The following ZNF665 variants were observed in gnomAD, a reference collection of about 807,000 sequenced individuals.
ZNF665 encodes zinc finger protein 665.
ZNF665 carries 6 observed loss-of-function variants against 7.9 expected under a neutral mutation model. That is an observed-to-expected ratio of 0.76 (90% CI 0.42 to 1.50). ZNF665 has a LOEUF of 1.50. ZNF665 is among the 40% of genes most tolerant of loss of function. The probability of loss-of-function intolerance (pLI) is 0.01; values close to 1 mark genes in which losing one functional copy is unlikely to be tolerated. For missense variants in ZNF665, 819 were observed against 806.7 expected (o/e 1.02, Z -0.18); for synonymous variants, 242 against 274.5 (o/e 0.88, Z 1.17).
In ZNF665 at chr19:53,164,905, G is replaced by C. The variant is rs2146830816; in HGVS notation, c.1585C>G (p.Leu529Val). The C allele has an allele frequency of 1.9e-6, 3 of 1,614,134 alleles. No individual in the cohort carries two copies. In the East Asian group the frequency reaches 6.7e-5, roughly 36 times the overall value. The change falls in exon 4 of 4, where the codon CTA becomes GTA. Residue 529 changes from leucine to valine, a missense_variant. Coordinates refer to ENST00000396424, the MANE Select transcript of ZNF665 (RefSeq NM_024733.5). ...GTATGTATTGTCTGATGTATAGTTA[G>C]GCTTGAATGAACACTAAAGGCTTTG... ...CGKAFSVHSS[L>V]TIHQTIHTGQ...
At chr19:53,182,444 A>G (rs1034979886) in intron 2 of ZNF665, 8 of 486,568 alleles carry the variant, frequency 1.6e-5, no homozygotes, top group African/African-American at 1.6e-4. Flanking sequence ...AAATGCAAAT[A>G]TAAATGAGGT....
chr19:53,165,037 G>T lies in ZNF665; in HGVS notation c.1453C>A (p.Pro485Thr). The change falls in exon 4 of 4, where the codon CCT becomes ACT. Residue 485 changes from proline to threonine, a missense_variant. Physicochemically the swap from Pro to Thr is conservative, Grantham distance 38 (BLOSUM62 -1). Coordinates refer to ENST00000396424, the MANE Select transcript of ZNF665 (RefSeq NM_024733.5). ...TTACCACATTCATCACACTTGTAAGGTTTCTCTCCAGAATGAATTCCCCGA... is the reference window on the plus strand; with the variant it reads ...TTACCACATTCATCACACTTGTAAGTTTTCTCTCCAGAATGAATTCCCCGA... ...SHRGIHSGEK[P>T]YKCDECGKAF... 6.2e-7 allele frequency: 1 copy of T among 1,614,092 alleles called. No homozygotes were observed. Among genetic ancestry groups the T allele is most frequent in the Non-Finnish European group, 8.5e-7 (1 of 1,180,050 alleles).
rs1384917311 is a variant in ZNF665, at chr19:53,182,954, A to C, written c.-45-11T>G. 1.3e-6 allele frequency: 2 copies of C among 1,599,052 alleles called. No homozygotes were observed. The highest frequency in any genetic ancestry group is 1.7e-5 in the Admixed American group (1 of 59,942). ...CTTCCAGGGTTCTACCTTGGGTAAC[A>C]TGAAAGAGACTTTAGAATTCAATCC... On this transcript the variant is annotated splice_polypyrimidine_tract_variant and intron_variant, in intron 1 of 3. Coordinates refer to ENST00000396424, the MANE Select transcript of ZNF665 (RefSeq NM_024733.5).
chr19:53,172,730 C>G (rs1172333286), intron 3 of ZNF665, among the ~76,000 whole-genome samples: 6 of 146,856 alleles, frequency 4.1e-5, no homozygotes, highest in Non-Finnish European at 5.9e-5. Flanking sequence ...GAGGCTGAGG[C>G]AGGAGAATCA....
chr19:53,169,818 A>G (rs548085367), intron 3 of ZNF665, among the ~76,000 whole-genome samples: 3,164 of 148,520 alleles, frequency 0.021, 95 homozygotes, highest in African/African-American at 0.063. Context: ...TTTACTGAGA[A>G]TGATGATTTC....
At chr19:53,177,203 G>A (rs758334321) in intron 2 of ZNF665, among the ~76,000 whole-genome samples, 1 of 152,148 alleles carries the variant, frequency 6.6e-6, no homozygotes, top group Non-Finnish European at 1.5e-5. Context: ...ATTTGAGCAA[G>A]TTATGTCTGT....
intron 1 of ZNF665, among the ~76,000 whole-genome samples, chr19:53,192,682 A>C (rs1000630286): frequency 1.3e-5 from 2 of 151,892 alleles, no homozygotes; most frequent in Non-Finnish European, 2.9e-5. Flanking sequence ...ATTCACAGGG[A>C]GGGTTTGGAG....
At chr19:53,184,834 A>C (rs550213032) in intron 1 of ZNF665, among the ~76,000 whole-genome samples, 25 of 150,206 alleles carry the variant, frequency 1.7e-4, no homozygotes, top group South Asian at 8.7e-4. Flanking sequence ...CAGGATAAGG[A>C]GTGTGAGCCA....
At chr19:53,177,575 A>C (rs574622659) in intron 2 of ZNF665, among the ~76,000 whole-genome samples, 7 of 119,394 alleles carry the variant, frequency 5.9e-5, no homozygotes, top group East Asian at 2.2e-4. Context: ...CAAAACAAAA[A>C]AACCCAGCAC....
rs779565039 is a variant in ZNF665 at position 53,164,535 on chromosome 19, T to C, written c.1955A>G (p.Lys652Arg). 6 of 1,613,742 alleles carry C rather than the reference T, an allele frequency of 3.7e-6. No homozygotes were observed. The highest frequency in any genetic ancestry group is 1.3e-5 in the African/African-American group (1 of 74,932). Reference sequence around the variant, plus strand: ...GCCACATTGGTTACATTTGTAAGGTTTGTCTCCAGTATGGACTGCCATATG... The same window carrying C: ...GCCACATTGGTTACATTTGTAAGGTCTGTCTCCAGTATGGACTGCCATATG... Reference protein sequence around the residue: ...TTHMAVHTGDKPYKCNQCGKV... With the variant: ...TTHMAVHTGDRPYKCNQCGKV... The change falls in exon 4 of 4, where the codon AAA (lysine) becomes AGA (arginine). Residue 652 changes from lysine (K) to arginine (R), a missense_variant. Transcript: ENST00000396424.
At chr19:53,167,681 C>T (rs112880094) in intron 3 of ZNF665, among the ~76,000 whole-genome samples, 24,870 of 148,840 alleles carry the variant, frequency 0.17, 2,359 homozygotes, top group Middle Eastern at 0.21. Flanking sequence ...TTCCTGACCT[C>T]GTGATCCACC....
intron 1 of ZNF665, 89 bp from the exon 2 acceptor site, chr19:53,183,032 G>A: frequency 7.3e-7 from 1 of 1,370,014 alleles, no homozygotes; most frequent in South Asian, 1.2e-5. Context: ...CCCCCTCCCT[G>A]GGCCATAACC....
intron 1 of ZNF665, among the ~76,000 whole-genome samples, chr19:53,192,684 G>T (rs1599892616): frequency 6.6e-6 from 1 of 152,236 alleles, no homozygotes; most frequent in African/African-American, 2.4e-5. Context: ...TCACAGGGAG[G>T]GTTTGGAGTA....
intron 1 of ZNF665, among the ~76,000 whole-genome samples, chr19:53,185,339 G>A (rs987877123): frequency 2.0e-5 from 3 of 152,016 alleles, no homozygotes; most frequent in Non-Finnish European, 2.9e-5. Flanking sequence ...GGCCCTGTCC[G>A]GGCATGACAG....
intron 1 of ZNF665, among the ~76,000 whole-genome samples, 151 bp downstream of exon 1, chr19:53,193,161 G>A (rs1273517102): frequency 6.6e-6 from 1 of 152,070 alleles, no homozygotes; most frequent in Non-Finnish European, 1.5e-5. Flanking sequence ...AAAGCGATGC[G>A]ACCCCCAGAG....
chr19:53,183,779 CA>C (rs1480186477), intron 1 of ZNF665, among the ~76,000 whole-genome samples: 4 of 152,084 alleles, frequency 2.6e-5, no homozygotes, highest in Non-Finnish European at 4.4e-5. Flanking sequence ...GCAGAGGGAC[CA>C]CCCATGTGAA....
At chr19:53,191,551 A>G (rs1381065550) in intron 1 of ZNF665, among the ~76,000 whole-genome samples, 3 of 152,222 alleles carry the variant, frequency 2.0e-5, no homozygotes, top group Non-Finnish European at 4.4e-5. Flanking sequence ...AAAATTTGTT[A>G]GATTATTAGG....
chr19:53,185,063 G>A (rs549578731), intron 1 of ZNF665, among the ~76,000 whole-genome samples: 35 of 152,232 alleles, frequency 2.3e-4, no homozygotes, highest in African/African-American at 5.3e-4. Flanking sequence ...GACTAGGAGC[G>A]TGACCACCGA....
rs537356876 is a variant in ZNF665, at chr19:53,178,288, G to A, written c.16-2717C>T. Among the ~76,000 whole-genome samples, 35 of 152,294 alleles carry A rather than the reference G, an allele frequency of 2.3e-4. 1 individual carries two copies. The East Asian group carries it at 5.0e-3, about 22-fold the overall frequency. On this transcript the variant is annotated intron_variant, in intron 2 of 3. Coordinates refer to ENST00000396424, the MANE Select transcript of ZNF665 (RefSeq NM_024733.5). ...GCAACATCTATCAGCAGCTGCTCAC[G>A]TTCTACTGTGAATGACTGACATGTA...
Sources: gnomAD v4.1 joint callset for allele counts (sites outside exome capture counted in the v4.1 genomes callset) on GRCh38, gnomAD v4.1.1 for gene constraint, MANE v1.5 for transcripts, NCBI Gene and HGNC (gene_info 2026-07-23, HGNC 2026-07-21) for gene names.